The following CDH23 variants were observed in gnomAD, a reference collection of about 807,000 sequenced individuals.
CDH23 encodes cadherin related 23, also known as cadherin-23.
In CDH23, 189 loss-of-function variants were observed where a neutral mutation model predicts 317.1. The observed-to-expected ratio is 0.60, with a 90% CI of 0.53 to 0.67. The LOEUF is 0.67. CDH23 is among the 30% of genes least tolerant of loss of function. The pLI is 0.00. For missense variants in CDH23, 4,401 were observed against 4,592.4 expected (o/e 0.96, Z 1.20); for synonymous variants, 1,839 against 1,876.8 (o/e 0.98, Z 0.52).
rs1564558413 is a variant in CDH23, at chr10:71,403,442, TTCCTTCCTTCCTTTCCTTCCTTCCTTCC to T, written c.-6+6126_-6+6153del. On this transcript the variant is annotated intron_variant, in intron 1 of 69. Coordinates refer to ENST00000224721, the MANE Select transcript of CDH23 (RefSeq NM_022124.6). ...CTTCCTTCCTTCCTTCCTTCCTTCC[TTCCTTCCTTCCTTTCCTTCCTTCCTTCC>T]TTCCTTCCTTCCTTCCTTCCTTCCT... is the stretch of plus-strand genomic sequence containing the variant. Among the ~76,000 whole-genome samples the T allele has an allele frequency of 2.7e-4, 21 of 78,434 alleles. 3 individuals are homozygous for T. Among genetic ancestry groups the T allele is most frequent in the African/African-American group, 1.7e-3 (21 of 12,006 alleles). 51.5% of individuals were successfully genotyped at this position (78,434 alleles called of 152,430 possible).
intron 22 of CDH23, among the ~76,000 whole-genome samples, chr10:71,695,874 C>T (rs1865370226): frequency 6.6e-6 from 1 of 152,190 alleles, no homozygotes; most frequent in African/African-American, 2.4e-5. Flanking sequence ...AGCTCCCACC[C>T]CTACACTGCA....
At chr10:71,606,421 C>A (rs1035538271) in intron 9 of CDH23, among the ~76,000 whole-genome samples, 2 of 152,142 alleles carry the variant, frequency 1.3e-5, no homozygotes, top group Non-Finnish European at 2.9e-5. Context: ...TCCTCGTGGG[C>A]CCTAGTGCAG....
rs866473773 is a variant in CDH23 at position 71,622,246 on chromosome 10, C to G, written c.1134+4853C>G. 1.4e-4 allele frequency among the ~76,000 whole-genome samples: 22 copies of G among 152,082 alleles called. 1 individual carries two copies. Among genetic ancestry groups the G allele is most frequent in the Non-Finnish European group, 7.4e-5 (5 of 68,008 alleles). On this transcript the variant is annotated intron_variant, in intron 11 of 69. Coordinates refer to ENST00000224721, the MANE Select transcript of CDH23 (RefSeq NM_022124.6). ...CCTTAAACCCCCTGTGCCGCCCTTG[C>G]CCCCAACATATTCTTTGTATTTTCT... is the stretch of plus-strand genomic sequence containing the variant.
chr10:71,677,340 T>G (rs1360750162), intron 15 of CDH23, 116 bp from the exon 16 acceptor site: 1 of 644,012 alleles, frequency 1.6e-6, no homozygotes, highest in African/African-American at 1.8e-5. Flanking sequence ...GATTTCAGAC[T>G]TCATTTGTTT....
intron 3 of CDH23, among the ~76,000 whole-genome samples, chr10:71,453,552 T>A (rs7894904): frequency 6.6e-6 from 1 of 152,248 alleles, no homozygotes; most frequent in African/African-American, 2.4e-5. Context: ...CTGGGAGGCA[T>A]TGGGGACTTT....
At chr10:71,697,671 CAA>C (rs369320021) in intron 22 of CDH23, among the ~76,000 whole-genome samples, 4 of 142,578 alleles carry the variant, frequency 2.8e-5, no homozygotes, top group Non-Finnish European at 4.6e-5. Context: ...GACCCTGTCT[CAA>C]AAAAAAAAAG....
intron 57 of CDH23, 82 bp downstream of exon 57, chr10:71,806,363 G>A: frequency 1.1e-6 from 1 of 935,322 alleles, no homozygotes; most frequent in Non-Finnish European, 1.7e-6. Context: ...TATATACACT[G>A]TGCCAGAATA....
At chr10:71,690,955 C>T (rs1413802040) in intron 20 of CDH23, among the ~76,000 whole-genome samples, 1 of 152,200 alleles carries the variant, frequency 6.6e-6, no homozygotes, top group Non-Finnish European at 1.5e-5. Context: ...CCTCTTCTTA[C>T]ACGGATGTGT....
chr10:71,577,774 T>G (rs1278586639), intron 8 of CDH23, 140 bp from the exon 9 acceptor site: 2 of 698,526 alleles, frequency 2.9e-6, no homozygotes, highest in African/African-American at 3.5e-5. Context: ...AGCTGATGCC[T>G]GAGCCCTTGG....
At chr10:71,541,831 A>G (rs1259294351) in intron 6 of CDH23, among the ~76,000 whole-genome samples, 2 of 152,266 alleles carry the variant, frequency 1.3e-5, no homozygotes, top group Non-Finnish European at 2.9e-5. Flanking sequence ...AACGTGTTCC[A>G]ATACAAGTTT....
chr10:71,709,277 G>C, intron 27 of CDH23, 66 bp downstream of exon 27: 1 of 1,438,324 alleles, frequency 7.0e-7, no homozygotes, highest in Admixed American at 1.8e-5. Flanking sequence ...GTGCCTCCCA[G>C]GAGCTGGCCT....
chr10:71,643,644 A>T (rs973908770), intron 11 of CDH23, among the ~76,000 whole-genome samples: 1 of 151,796 alleles, frequency 6.6e-6, no homozygotes, highest in African/African-American at 2.4e-5. Flanking sequence ...TCCAGCACAC[A>T]TGTGTGCACA....
rs558892176 is a variant in CDH23 at position 71,788,558 on chromosome 10, C to A, written c.5821-382C>A. ...GCAAGCTCCGCCTCCTGGGTTCATGCCATTCTCCTGCCTCAGCCTCCCAAG... is the reference window on the plus strand; with the variant it reads ...GCAAGCTCCGCCTCCTGGGTTCATGACATTCTCCTGCCTCAGCCTCCCAAG... On this transcript the variant is annotated intron_variant, in intron 44 of 69. Coordinates refer to ENST00000224721, the MANE Select transcript of CDH23 (RefSeq NM_022124.6). Among the ~76,000 whole-genome samples, 77 of 152,000 alleles carry A rather than the reference C, an allele frequency of 5.1e-4. 1 individual carries two copies. Among genetic ancestry groups the A allele is most frequent in the South Asian group, 3.3e-3 (16 of 4,824 alleles).
rs752989911 is a variant in CDH23, at chr10:71,793,587, C to G, written c.6659C>G (p.Thr2220Ser). The change falls in exon 48 of 70, where the codon ACT (threonine) becomes AGT (serine). Residue 2220 changes from threonine (T) to serine (S), a missense_variant. Physicochemically the swap from Thr to Ser is moderately conservative, Grantham distance 58. Transcript: ENST00000224721. ...GTCGGCATTGTGGCCAAGGACGACA[C>G]TGATCGCCTGGTGCCCAACCAGGAG... ...HIVGIVAKDD[T>S]DRLVPNQEDA... 1 of 1,609,608 alleles carries G rather than the reference C, an allele frequency of 6.2e-7. No homozygotes were observed. Among genetic ancestry groups the G allele is most frequent in the South Asian group, 1.1e-5 (1 of 90,934 alleles).
At chr10:71,591,837 T>A (rs1393974578) in intron 9 of CDH23, among the ~76,000 whole-genome samples, 1 of 151,964 alleles carries the variant, frequency 6.6e-6, no homozygotes, top group Admixed American at 6.5e-5. Flanking sequence ...CAGCTCTCTG[T>A]TGGATGGAAT....
intron 6 of CDH23, among the ~76,000 whole-genome samples, chr10:71,544,301 TG>T (rs948536993): frequency 6.7e-6 from 1 of 150,308 alleles, no homozygotes; most frequent in African/African-American, 2.5e-5. Context: ...ACCGAGAGAG[TG>T]GGCGGAAAAC....
intron 1 of CDH23, among the ~76,000 whole-genome samples, chr10:71,413,161 A>G (rs1245810441): frequency 6.6e-6 from 1 of 152,190 alleles, no homozygotes; most frequent in East Asian, 1.9e-4. Context: ...TGTATATGGT[A>G]TAAGATTAGA....
Position 71,741,832 on chromosome 10 carries a change from G to A in CDH23, c.4756G>A (p.Ala1586Thr), listed in dbSNP as rs573737471. The A allele has an allele frequency of 1.2e-5, 19 of 1,611,246 alleles. No homozygotes were observed. Among genetic ancestry groups the A allele is most frequent in the Admixed American group, 1.7e-5 (1 of 59,776 alleles). Residue 1586 changes from alanine (A) to threonine (T), a missense_variant, in exon 38 of 70, where the codon GCC (alanine) becomes ACC (threonine). By Grantham distance (58) the Ala-to-Thr change is moderately conservative. This residue lies in a region of CDH23 where 3,068 missense variants were observed against 3,203.3 expected (regional missense o/e 0.96). Coordinates refer to ENST00000224721, the MANE Select transcript of CDH23 (RefSeq NM_022124.6). ...CATGGACCGCATCAGCGGTGAGATC[G>A]CCACACGGCCTGCCCCGCCTGACCG... is the stretch of plus-strand genomic sequence containing the variant. ...FRMDRISGEI[A>T]TRPAPPDRER...
At chr10:71,399,953 A>G (rs948178579) in intron 1 of CDH23, among the ~76,000 whole-genome samples, 2 of 152,082 alleles carry the variant, frequency 1.3e-5, no homozygotes, top group Non-Finnish European at 2.9e-5. Flanking sequence ...TGCCCCTCCC[A>G]GATGGGTGGA....
Sources: gnomAD v4.1 joint callset for allele counts (sites outside exome capture counted in the v4.1 genomes callset) on GRCh38, gnomAD v4.1.1 for gene constraint, gnomAD v4.1.1 regional missense constraint, MANE v1.5 for transcripts, NCBI Gene and HGNC (gene_info 2026-07-23, HGNC 2026-07-21) for gene names.